The following ROBO2 variants were observed in gnomAD, a reference collection of about 807,000 sequenced individuals.
ROBO2 encodes the protein roundabout guidance receptor 2.
ROBO2 carries 53 observed loss-of-function variants against 160.8 expected under a neutral mutation model. The observed-to-expected ratio is 0.33, with a 90% CI of 0.26 to 0.41. ROBO2 has a LOEUF of 0.41. Among genes scored for constraint, ROBO2 ranks in the 10% least tolerant of loss-of-function variants. The probability of loss-of-function intolerance (pLI) is 1.00; values close to 1 mark genes in which losing one functional copy is unlikely to be tolerated. For missense variants in ROBO2, 1,577 were observed against 1,722.4 expected, an observed-to-expected ratio of 0.92 and a Z score of 1.49; for synonymous variants, 664 against 611.7, an observed-to-expected ratio of 1.09 and a Z score of -1.26.
intron 2 of ROBO2, among the ~76,000 whole-genome samples, chr3:76,407,772 G>A (rs7652895): frequency 0.18 from 28,052 of 151,932 alleles, 3,050 homozygotes; most frequent in African/African-American, 0.3. Context: ...TTTAAGGGAA[G>A]CATGTGTTAT....
At chr3:77,199,221 C>T (rs1365126495) in intron 2 of ROBO2, among the ~76,000 whole-genome samples, 3 of 152,204 alleles carry the variant, frequency 2.0e-5, no homozygotes, top group African/African-American at 4.8e-5. Context: ...CCCACTCCTT[C>T]ACTTTTTCAT....
intron 2 of ROBO2, among the ~76,000 whole-genome samples, chr3:76,751,955 T>A (rs13072465): frequency 3.2e-4 from 49 of 151,694 alleles, no homozygotes; most frequent in African/African-American, 1.0e-3. Context: ...TATACCCAGA[T>A]GTTTATAAAT....
At chr3:76,886,819 C>T (rs999838587) in intron 2 of ROBO2, among the ~76,000 whole-genome samples, 1 of 152,078 alleles carries the variant, frequency 6.6e-6, no homozygotes, top group African/African-American at 2.4e-5. Context: ...TAAGTCTGAG[C>T]TATTTGAGTT....
At chr3:77,443,951 T>C (rs1276978832) in intron 2 of ROBO2, among the ~76,000 whole-genome samples, 2 of 152,192 alleles carry the variant, frequency 1.3e-5, no homozygotes, top group African/African-American at 4.8e-5. Context: ...TCTAAAACAA[T>C]CTGCATAAAG....
intron 2 of ROBO2, among the ~76,000 whole-genome samples, chr3:77,347,088 T>C (rs951960011): frequency 1.3e-5 from 2 of 152,058 alleles, no homozygotes; most frequent in African/African-American, 4.8e-5. Flanking sequence ...TGTTGTTTGA[T>C]TAGAAATTTA....
intron 2 of ROBO2, among the ~76,000 whole-genome samples, chr3:76,756,860 A>G (rs1215435634): frequency 1.3e-5 from 2 of 151,868 alleles, no homozygotes; most frequent in South Asian, 2.1e-4. Context: ...AAGTTCTTTA[A>G]ATTGCAACAG....
intron 2 of ROBO2, among the ~76,000 whole-genome samples, chr3:76,437,059 A>G (rs561313332): frequency 5.9e-5 from 9 of 152,332 alleles, no homozygotes; most frequent in African/African-American, 1.7e-4. Flanking sequence ...GTGTAACAGA[A>G]TGATTCAATC....
intron 2 of ROBO2, among the ~76,000 whole-genome samples, chr3:76,409,111 GA>G (rs983712040): frequency 9.2e-5 from 14 of 152,076 alleles, no homozygotes; most frequent in African/African-American, 3.4e-4. Flanking sequence ...TTTTATGGTA[GA>G]ACGTTCAGAA....
intron 2 of ROBO2, among the ~76,000 whole-genome samples, chr3:76,998,997 C>T (rs1279184599): frequency 6.6e-6 from 1 of 152,188 alleles, no homozygotes; most frequent in Non-Finnish European, 1.5e-5. Context: ...TATTTATATA[C>T]AAAATCAATG....
rs2093304115 is a variant in ROBO2, at chr3:76,712,056, A to G, written c.110-385958A>G. Among the ~76,000 whole-genome samples the G allele has an allele frequency of 2.0e-5, 3 of 152,214 alleles. No individual in the cohort carries two copies. The South Asian group carries it at 6.2e-4, about 31-fold the overall frequency. ...ATAAGGGGTTACCAAACTTTTTGGG[A>G]AAAAGAGTAGGCTTGCATTAATACT... On this transcript the variant is annotated intron_variant, in intron 2 of 26. Coordinates refer to the ROBO2 transcript ENST00000487694.
intron 2 of ROBO2, among the ~76,000 whole-genome samples, chr3:77,118,859 A>G (rs944562073): frequency 1.3e-5 from 2 of 152,202 alleles, no homozygotes; most frequent in African/African-American, 4.8e-5. Context: ...TATAACGTGT[A>G]GCCTATTGCT....
intron 2 of ROBO2, among the ~76,000 whole-genome samples, chr3:76,678,444 C>T (rs1016622375): frequency 2.0e-5 from 3 of 152,032 alleles, no homozygotes; most frequent in African/African-American, 7.2e-5. Context: ...AGGGGCTTGA[C>T]AGATGGGGCA....
At chr3:77,063,665 A>G (rs1434837687) in intron 1 of ROBO2, among the ~76,000 whole-genome samples, 1 of 152,162 alleles carries the variant, frequency 6.6e-6, no homozygotes, top group Non-Finnish European at 1.5e-5. Context: ...TTAACTTGAT[A>G]TTGTTTGTAG....
chr3:76,836,332 A>G (rs148161211), intron 2 of ROBO2, among the ~76,000 whole-genome samples: 245 of 152,024 alleles, frequency 1.6e-3, no homozygotes, highest in African/African-American at 5.7e-3. Flanking sequence ...TTAAAAACAA[A>G]TAAATCACCA....
intron 2 of ROBO2, among the ~76,000 whole-genome samples, chr3:76,732,462 G>A (rs911466603): frequency 5.3e-5 from 8 of 152,150 alleles, no homozygotes; most frequent in Non-Finnish European, 1.2e-4. Flanking sequence ...AGGTGGCAGG[G>A]TAGGAGGCAG....
intron 2 of ROBO2, among the ~76,000 whole-genome samples, chr3:77,122,294 C>G (rs75476459): frequency 0.011 from 1,642 of 152,248 alleles, 28 homozygotes; most frequent in African/African-American, 0.037. Flanking sequence ...CTCCCCAACT[C>G]TAAAAATGTA....
chr3:76,556,490 G>A (rs1377784655), intron 2 of ROBO2, among the ~76,000 whole-genome samples: 3 of 152,258 alleles, frequency 2.0e-5, no homozygotes, highest in East Asian at 3.9e-4. Flanking sequence ...TCTAGATTCA[G>A]TGAATATATC....
chr3:76,415,178 A>C (rs566580250), intron 2 of ROBO2, among the ~76,000 whole-genome samples: 1 of 152,344 alleles, frequency 6.6e-6, no homozygotes, highest in South Asian at 2.1e-4. Context: ...GGCCAGAAGT[A>C]CATCGAAGGC....
chr3:77,026,409 C>G (rs151274666), intron 2 of ROBO2, among the ~76,000 whole-genome samples: 1 of 152,270 alleles, frequency 6.6e-6, no homozygotes, highest in East Asian at 1.9e-4. Flanking sequence ...AGAACAGCTG[C>G]TAACAATGGG....
Sources: allele counts gnomAD v4.1 joint callset (sites outside exome capture counted in the v4.1 genomes callset), GRCh38; gene constraint gnomAD v4.1.1; transcripts MANE v1.5; gene names NCBI Gene and HGNC (gene_info 2026-07-23, HGNC 2026-07-21).